Variants in INPP5F observed in about 807,000 individuals in gnomAD.
INPP5F encodes the protein inositol polyphosphate-5-phosphatase F.
INPP5F carries 97 observed loss-of-function variants against 137.2 expected under a neutral mutation model. The observed-to-expected ratio is 0.71, with a 90% CI of 0.60 to 0.84. The LOEUF is 0.84. Among genes scored for constraint, INPP5F ranks in the 40% least tolerant of loss-of-function variants. The pLI, the probability that INPP5F is intolerant of heterozygous loss-of-function variation, is 0.00. For synonymous variants in INPP5F, 504 were observed against 476.9 expected (o/e 1.06, Z -0.74); for missense variants, 1,271 against 1,371.9 (o/e 0.93, Z 1.16).
chr10:119,728,392 G>A (rs1189280291), intron 1 of INPP5F, among the ~76,000 whole-genome samples: 4 of 152,174 alleles, frequency 2.6e-5, no homozygotes, highest in Non-Finnish European at 4.4e-5. Context: ...AATTGAATAA[G>A]TGCTTTTCAG....
intron 6 of INPP5F, among the ~76,000 whole-genome samples, chr10:119,792,994 C>T (rs1406588436): frequency 2.0e-5 from 3 of 151,900 alleles, no homozygotes; most frequent in Non-Finnish European, 2.9e-5. Flanking sequence ...CGCTAGATAC[C>T]CATCAATTGC....
chr10:119,759,187 T>G (rs914168879), intron 2 of INPP5F, among the ~76,000 whole-genome samples: 3 of 152,146 alleles, frequency 2.0e-5, no homozygotes, highest in African/African-American at 7.2e-5. Flanking sequence ...GCCCAGCTAA[T>G]TTTTGTATTT....
At chr10:119,802,019 G>A (rs918905910) in intron 9 of INPP5F, among the ~76,000 whole-genome samples, 1 of 152,070 alleles carries the variant, frequency 6.6e-6, no homozygotes, top group Non-Finnish European at 1.5e-5. Context: ...GCCCACAGTC[G>A]GTCTGACTCA....
rs376673673 is a variant in INPP5F at position 119,809,801 on chromosome 10, A to G, written c.1570-299A>G. 7.9e-5 allele frequency among the ~76,000 whole-genome samples: 12 copies of G among 152,350 alleles called. No homozygotes were observed. The South Asian group carries it at 2.1e-3, about 26-fold the overall frequency. The stretch of plus-strand genomic sequence containing the variant: ...AATTTTTATTGTTTTGGTGTTTGTC[A>G]TATAATTTGTTTTGACCTGTAAATT... On this transcript the variant is annotated intron_variant, in intron 13 of 19. Transcript: ENST00000650623.
intron 9 of INPP5F, among the ~76,000 whole-genome samples, chr10:119,799,941 C>G (rs137966954): frequency 0.015 from 2,278 of 151,658 alleles, 80 homozygotes; most frequent in African/African-American, 0.053. Context: ...AGAGGTAATG[C>G]CCATCTAGGA....
chr10:119,750,635 T>G (rs1265804585), intron 1 of INPP5F, among the ~76,000 whole-genome samples: 2 of 152,240 alleles, frequency 1.3e-5, no homozygotes, highest in South Asian at 4.1e-4. Context: ...TCCGGATTTC[T>G]TTGTTTGGTA....
intron 3 of INPP5F, among the ~76,000 whole-genome samples, chr10:119,791,304 C>T (rs529952708): frequency 2.4e-4 from 36 of 152,270 alleles, no homozygotes; most frequent in African/African-American, 8.2e-4. Flanking sequence ...TAAGTATATC[C>T]TGCCCTGTAT....
In INPP5F at chr10:119,791,867, A is replaced by G. The variant is rs1850157791; in HGVS notation, c.445-2A>G. The G allele has an allele frequency of 1.3e-6, 2 of 1,584,104 alleles. No homozygotes were observed. Among genetic ancestry groups the G allele is most frequent in the Non-Finnish European group, 1.7e-6 (2 of 1,163,268 alleles). On this transcript the variant is annotated splice_acceptor_variant, in intron 4 of 19. Transcript: ENST00000650623. LOFTEE classifies it high-confidence loss of function. ...TAGTAATAGTAGATTAATTTCTTATAGGTTAAGGAAAGTAAAGAGAAGGAG... is the reference window on the plus strand; with the variant it reads ...TAGTAATAGTAGATTAATTTCTTATGGGTTAAGGAAAGTAAAGAGAAGGAG...
In INPP5F at chr10:119,810,184, C is replaced by T. The variant is rs752357914; in HGVS notation, c.1654C>T (p.Arg552Ter). Residue 552 changes from arginine to a stop codon, truncating the protein, a stop_gained, in exon 14 of 20, where the codon CGA becomes TGA. Coordinates refer to ENST00000650623, the MANE Select transcript of INPP5F (RefSeq NM_014937.4). LOFTEE classifies it high-confidence loss of function. ...VNSANRYYLNRFKDAYRQAVI... is the reference protein window; with the variant it reads ...VNSANRYYLN ...CTCAGCAAACAGATATTACCTCAAC[C>T]GATTTAAGGATGCTTATAGGCAAGC... The T allele has an allele frequency of 1.1e-5, 18 of 1,610,272 alleles. No homozygotes were observed. The highest frequency in any genetic ancestry group is 1.5e-5 in the Non-Finnish European group (18 of 1,176,834).
chr10:119,781,536 CTT>C (rs5788367), intron 2 of INPP5F, 97 bp from the exon 3 acceptor site: 15 of 951,644 alleles, frequency 1.6e-5, no homozygotes, highest in South Asian at 6.2e-5. Context: ...TGGATGCACA[CTT>C]TTTTTTTTGT....
intron 2 of INPP5F, chr10:119,768,106 C>T (rs1024663): frequency 6.6e-6 from 1 of 152,084 alleles, no homozygotes; most frequent in Non-Finnish European, 1.5e-5. Flanking sequence ...TCTTCTGTGG[C>T]GTTTTGAGCA....
intron 9 of INPP5F, 38 bp downstream of exon 9, chr10:119,798,648 C>T (rs758694326): frequency 4.4e-5 from 61 of 1,388,896 alleles, no homozygotes; most frequent in Non-Finnish European, 6.1e-5. Flanking sequence ...GTTCCTTCAT[C>T]TTTAGAAATA....
chr10:119,760,512 A>G (rs1373308259), intron 2 of INPP5F, among the ~76,000 whole-genome samples: 1 of 152,242 alleles, frequency 6.6e-6, no homozygotes, highest in Non-Finnish European at 1.5e-5. Context: ...TGGGCCACCT[A>G]TACAGGTGCT....
chr10:119,771,884 T>TATATATACATA (rs1849373704), intron 2 of INPP5F, among the ~76,000 whole-genome samples: 2 of 29,098 alleles, frequency 6.9e-5, no homozygotes, highest in Non-Finnish European at 6.1e-5. Flanking sequence ...ATATATATAT[T>TATATATACATA]TTTTTTTTTT....
intron 12 of INPP5F, 68 bp from the exon 13 acceptor site, chr10:119,807,864 G>T (rs1353979981): frequency 7.0e-6 from 10 of 1,428,634 alleles, no homozygotes; most frequent in Non-Finnish European, 7.5e-6. Context: ...TCCTTTTTCT[G>T]CAGTACACAT....
intron 9 of INPP5F, among the ~76,000 whole-genome samples, chr10:119,800,048 A>T (rs887379420): frequency 6.6e-6 from 1 of 151,780 alleles, no homozygotes; most frequent in African/African-American, 2.4e-5. Flanking sequence ...ATAAATATTA[A>T]AATACTGTTG....
intron 1 of INPP5F, among the ~76,000 whole-genome samples, chr10:119,739,613 A>T (rs1378711795): frequency 6.6e-6 from 1 of 152,158 alleles, no homozygotes; most frequent in East Asian, 1.9e-4. Context: ...ATTCAGACTT[A>T]ATAGTCTGTC....
chr10:119,792,376 A>G (rs1850178128), intron 6 of INPP5F, among the ~76,000 whole-genome samples, 163 bp downstream of exon 6: 2 of 152,220 alleles, frequency 1.3e-5, no homozygotes, highest in African/African-American at 4.8e-5. Context: ...TTTAGCCAGG[A>G]AAACCAAGGC....
At chr10:119,826,063 T>TCCCC (rs937107006) in intron 19 of INPP5F, 1 of 398,150 alleles carries the variant, frequency 2.5e-6, no homozygotes, top group Admixed American at 4.4e-5. Flanking sequence ...TACTCCTGTC[T>TCCCC]CCCCCCACTA....
Sources: gnomAD v4.1 joint callset for allele counts (sites outside exome capture counted in the v4.1 genomes callset) on GRCh38, gnomAD v4.1.1 for gene constraint, MANE v1.5 for transcripts, NCBI Gene and HGNC (gene_info 2026-07-23, HGNC 2026-07-21) for gene names.